Variants in ARHGAP26 observed in about 807,000 individuals in gnomAD.
ARHGAP26 encodes the protein Rho GTPase activating protein 26, also known as rho GTPase-activating protein 26.
Under a neutral mutation model 104.8 loss-of-function variants are expected in ARHGAP26, and 38 were observed. The ratio of observed to expected loss-of-function variants is 0.36; its 90% CI spans 0.28 to 0.48. The LOEUF (loss-of-function observed/expected upper bound fraction) is 0.48, where lower values mean the gene tolerates loss of function less well. ARHGAP26 is among the 20% of genes least tolerant of loss of function. The pLI is 0.99. For synonymous variants in ARHGAP26, 341 were observed against 340.0 expected, an observed-to-expected ratio of 1.00 and a Z score of -0.03; for missense variants, 704 against 947.9, an observed-to-expected ratio of 0.74 and a Z score of 3.38.
chr5:143,162,284 TACACACAC>T (rs34577770), intron 20 of ARHGAP26, among the ~76,000 whole-genome samples: 2 of 147,330 alleles, frequency 1.4e-5, no homozygotes, highest in Non-Finnish European at 3.0e-5. Flanking sequence ...AACACACACA[TACACACAC>T]ACACACACAC....
intron 1 of ARHGAP26, among the ~76,000 whole-genome samples, chr5:142,829,465 A>G (rs184808476): frequency 6.6e-6 from 1 of 152,352 alleles, no homozygotes; most frequent in Non-Finnish European, 1.5e-5. Context: ...GCAAGAAAGA[A>G]CAGTTCTGTG....
At position 143,020,867 on chromosome 5, in the gene ARHGAP26, G is replaced by A. The variant is rs556389111; in HGVS notation, c.1144+6751G>A. ...GTGTTAGCCAGGATGGTCTCGATCT[G>A]CTGACCTCATGATCCGCCCATCTCG... On this transcript the variant is annotated intron_variant, in intron 12 of 22. Transcript: ENST00000645722. Among the ~76,000 whole-genome samples, 11 of 151,882 alleles carry A rather than the reference G, an allele frequency of 7.2e-5. 1 individual carries two copies. The South Asian group carries it at 2.3e-3, about 32-fold the overall frequency.
chr5:143,191,192 CAAT>C (rs1297264189), intron 20 of ARHGAP26, among the ~76,000 whole-genome samples: 1 of 152,200 alleles, frequency 6.6e-6, no homozygotes, highest in Non-Finnish European at 1.5e-5. Flanking sequence ...AATTATACCT[CAAT>C]AAAGCTGTTT....
intron 1 of ARHGAP26, among the ~76,000 whole-genome samples, chr5:142,779,156 T>C (rs1756974193): frequency 6.6e-6 from 1 of 152,084 alleles, no homozygotes; most frequent in Non-Finnish European, 1.5e-5. Context: ...ATCATGTTTA[T>C]TTAGGGTGAG....
intron 18 of ARHGAP26, among the ~76,000 whole-genome samples, chr5:143,121,657 G>T (rs749220569): frequency 6.6e-5 from 10 of 152,114 alleles, no homozygotes. Context: ...TGTACCGTTT[G>T]TGTGCGCGTG....
intron 20 of ARHGAP26, among the ~76,000 whole-genome samples, chr5:143,196,976 A>G (rs953453723): frequency 1.6e-4 from 24 of 152,228 alleles, no homozygotes; most frequent in Non-Finnish European, 2.9e-5. Flanking sequence ...GACTGTATAT[A>G]TCCCTAAATG....
chr5:142,835,823 A>G (rs1358727601), intron 1 of ARHGAP26, among the ~76,000 whole-genome samples: 1 of 152,244 alleles, frequency 6.6e-6, no homozygotes, highest in African/African-American at 2.4e-5. Context: ...AATAATTTTC[A>G]TTTAATTTAG....
At chr5:143,180,796 T>G (rs1464541304) in intron 20 of ARHGAP26, among the ~76,000 whole-genome samples, 3 of 152,114 alleles carry the variant, frequency 2.0e-5, no homozygotes, top group Non-Finnish European at 4.4e-5. Context: ...AAGATGAGAT[T>G]TAGATGAGGA....
intron 11 of ARHGAP26, among the ~76,000 whole-genome samples, chr5:142,987,638 T>A (rs2152745967): frequency 6.6e-6 from 1 of 152,340 alleles, no homozygotes; most frequent in Non-Finnish European, 1.5e-5. Flanking sequence ...GGGTTTGTCA[T>A]AAATAGCTCT....
intron 20 of ARHGAP26, among the ~76,000 whole-genome samples, chr5:143,183,706 C>T (rs1290594321): frequency 6.6e-6 from 1 of 152,166 alleles, no homozygotes; most frequent in Non-Finnish European, 1.5e-5. Flanking sequence ...TGGTTATGGG[C>T]GAAGGCGTAC....
At chr5:142,885,459 A>T in intron 5 of ARHGAP26, 60 bp downstream of exon 5, 1 of 1,458,340 alleles carries the variant, frequency 6.9e-7, no homozygotes, top group Non-Finnish European at 9.5e-7. Flanking sequence ...TGCTGTGGAT[A>T]TGTGCTGGTT....
At chr5:143,037,358 T>A in intron 13 of ARHGAP26, 97 bp downstream of exon 13, 1 of 990,986 alleles carries the variant, frequency 1.0e-6, no homozygotes. Context: ...TTTAAGTGAC[T>A]CATTAGCTCC....
Position 143,216,362 on chromosome 5 carries a change from G to T in ARHGAP26, c.2191+2274G>T, listed in dbSNP as rs775060340. ...GAGTGATCTTTGAAAAACGGAAATG[G>T]CATTAAAGCCCTTCAGTGGCCTCCC... is the stretch of plus-strand genomic sequence containing the variant. On this transcript the variant is annotated intron_variant, in intron 22 of 22. Transcript: ENST00000645722. 6.5e-6 allele frequency: 3 copies of T among 462,580 alleles called. No individual in the cohort carries two copies. In the East Asian group the frequency reaches 2.1e-4, roughly 32 times the overall value. The allele number at this position is 462,580 out of a possible 1,614,324, so 28.7% of individuals were successfully genotyped here. A position where few individuals can be genotyped will look rare whatever the true frequency, so the allele number is the denominator to read the frequency against.
At chr5:142,823,493 G>GTGT (rs1383653657) in intron 1 of ARHGAP26, among the ~76,000 whole-genome samples, 39 of 152,018 alleles carry the variant, frequency 2.6e-4, no homozygotes, top group African/African-American at 8.2e-4. Context: ...CCTGGCTCTT[G>GTGT]GGACTGTGTG....
chr5:143,106,072 C>G (rs1049028280), intron 17 of ARHGAP26, among the ~76,000 whole-genome samples: 2 of 152,076 alleles, frequency 1.3e-5, no homozygotes, highest in African/African-American at 4.8e-5. Flanking sequence ...TAAAGGGTGA[C>G]TTTTTCTTTT....
intron 20 of ARHGAP26, among the ~76,000 whole-genome samples, chr5:143,183,672 C>T (rs1804725545): frequency 6.6e-6 from 1 of 152,204 alleles, no homozygotes; most frequent in Non-Finnish European, 1.5e-5. Context: ...CCCCCGGGGC[C>T]TCCTCGGACG....
rs146876900 is a variant in ARHGAP26 at position 143,017,277 on chromosome 5, C to T, written c.1144+3161C>T. Reference sequence around the variant, plus strand: ...ATCTCGAAGTTTCTCTCAGGGCATACGGTGCCTGTGGAGTATAAGACAGGG... The same window carrying T: ...ATCTCGAAGTTTCTCTCAGGGCATATGGTGCCTGTGGAGTATAAGACAGGG... On this transcript the variant is annotated intron_variant, in intron 12 of 22. Coordinates refer to ENST00000645722, the MANE Select transcript of ARHGAP26 (RefSeq NM_001135608.3). 4.8e-3 allele frequency among the ~76,000 whole-genome samples: 729 copies of T among 152,316 alleles called. 9 individuals are homozygous for T. Among genetic ancestry groups the T allele is most frequent in the African/African-American group, 0.017 (711 of 41,564 alleles).
intron 1 of ARHGAP26, chr5:142,772,609 G>A (rs1284102909): frequency 2.4e-6 from 1 of 416,990 alleles, no homozygotes; most frequent in Non-Finnish European, 4.7e-6. Context: ...ATTATCTCAT[G>A]TGCTTAGATT....
At chr5:143,056,648 T>A (rs1287195899) in intron 16 of ARHGAP26, among the ~76,000 whole-genome samples, 2 of 152,188 alleles carry the variant, frequency 1.3e-5, no homozygotes, top group Non-Finnish European at 2.9e-5. Context: ...AGGTGCAAGC[T>A]ACTCTAAGTA....
Sources: gnomAD v4.1 joint callset for allele counts (sites outside exome capture counted in the v4.1 genomes callset) on GRCh38, gnomAD v4.1.1 for gene constraint, MANE v1.5 for transcripts, NCBI Gene and HGNC (gene_info 2026-07-23, HGNC 2026-07-21) for gene names.